The following FBN1 variants were observed in gnomAD, a reference collection of about 807,000 sequenced individuals.
The protein encoded by FBN1 is fibrillin 1.
A neutral mutation model predicts 365.1 loss-of-function variants in FBN1; 29 were observed. That is an observed-to-expected ratio of 0.08 (90% CI 0.06 to 0.11). The LOEUF (loss-of-function observed/expected upper bound fraction) is 0.11, where lower values mean the gene tolerates loss of function less well. Among genes scored for constraint, FBN1 ranks in the 10% least tolerant of loss-of-function variants. FBN1 has a pLI of 1.00. For synonymous variants in FBN1, 1,210 were observed against 1,270.5 expected (o/e 0.95, Z 1.01); for missense variants, 2,476 against 3,703.2 (o/e 0.67, Z 8.60).
chr15:48,450,409 G>A (rs2043192156), intron 45 of FBN1, among the ~76,000 whole-genome samples: 1 of 152,202 alleles, frequency 6.6e-6, no homozygotes, highest in Admixed American at 6.5e-5. Context: ...AACATGGGGA[G>A]TACTTTGGAG....
At chr15:48,480,177 G>T (rs771776993) in intron 32 of FBN1, among the ~76,000 whole-genome samples, 23 of 152,164 alleles carry the variant, frequency 1.5e-4, no homozygotes, top group Non-Finnish European at 3.4e-4. Context: ...GGGAATGAAG[G>T]TTGTTCCATG....
chr15:48,508,485 A>G, intron 15 of FBN1, 97 bp downstream of exon 15: 1 of 1,540,560 alleles, frequency 6.5e-7, no homozygotes, highest in Non-Finnish European at 8.9e-7. Flanking sequence ...AGGTACTTTA[A>G]GTGGGGAGAA....
chr15:48,638,037 CTTTTT>C (rs72166602), intron 2 of FBN1, among the ~76,000 whole-genome samples: 3 of 144,622 alleles, frequency 2.1e-5, no homozygotes, highest in Non-Finnish European at 4.6e-5. Flanking sequence ...CACTGATAAA[CTTTTT>C]TTTTTTTTTT....
chr15:48,586,134 T>C (rs2044433614), intron 6 of FBN1, among the ~76,000 whole-genome samples: 1 of 152,190 alleles, frequency 6.6e-6, no homozygotes, highest in Non-Finnish European at 1.5e-5. Flanking sequence ...GGTCAGTTAA[T>C]CAGTTTAAAA....
chr15:48,487,023 CATAAA>C lies in FBN1; in HGVS notation c.3589+47_3589+51del. 1.3e-5 allele frequency: 16 copies of C among 1,186,838 alleles called. 1 individual carries two copies. In the South Asian group the frequency reaches 2.5e-4, roughly 18 times the overall value. 73.5% of individuals were successfully genotyped at this position (1,186,838 alleles called of 1,614,324 possible). A position where few individuals can be genotyped will look rare whatever the true frequency, so the allele number is the denominator to read the frequency against. The stretch of plus-strand genomic sequence containing the variant: ...AATAAAATAACATAACATAACATAA[CATAAA>C]ATAAAGTAAAATAAAATAAAATAAA... On this transcript the variant is annotated intron_variant, in intron 29 of 65. Coordinates refer to ENST00000316623, the MANE Select transcript of FBN1 (RefSeq NM_000138.5).
intron 6 of FBN1, 27 bp from the exon 7 acceptor site, chr15:48,537,835 G>T (rs1371584106): frequency 5.6e-6 from 9 of 1,609,312 alleles, no homozygotes; most frequent in Non-Finnish European, 7.7e-6. Context: ...AAAATCTGAT[G>T]AAAATCCAGA....
At position 48,464,339 on chromosome 15, in the gene FBN1, C is replaced by G. The variant is rs34539187; in HGVS notation, c.4943-318G>C. Among the ~76,000 whole-genome samples, 14,735 of 152,062 alleles carry G rather than the reference C, an allele frequency of 0.097. 862 individuals are homozygous for G. The highest frequency in any genetic ancestry group is 0.13 in the Non-Finnish European group (8,640 of 67,942). Reference sequence around the variant, plus strand: ...TAGCCTGGCCAACATGGTGAAACCCCATCTCTACTAAAAATACAAAAATTA... The same window carrying G: ...TAGCCTGGCCAACATGGTGAAACCCGATCTCTACTAAAAATACAAAAATTA... On this transcript the variant is annotated intron_variant, in intron 40 of 65. Coordinates refer to ENST00000316623, the MANE Select transcript of FBN1 (RefSeq NM_000138.5).
chr15:48,591,033 T>C (rs2044472872), intron 6 of FBN1, among the ~76,000 whole-genome samples: 1 of 152,238 alleles, frequency 6.6e-6, no homozygotes, highest in Non-Finnish European at 1.5e-5. Context: ...CAGCTTCAGA[T>C]GGAGAAATGA....
At chr15:48,613,141 G>A (rs781219853) in intron 2 of FBN1, 49 bp from the exon 3 acceptor site, 3 of 1,418,416 alleles carry the variant, frequency 2.1e-6, no homozygotes, top group South Asian at 1.2e-5. Flanking sequence ...AGAAGAAGAG[G>A]AAGAGATGGC....
At chr15:48,457,346 T>C (rs892086449) in intron 43 of FBN1, among the ~76,000 whole-genome samples, 3 of 152,210 alleles carry the variant, frequency 2.0e-5, no homozygotes, top group Non-Finnish European at 4.4e-5. Context: ...TTCCTAAGAC[T>C]GGGAGTTGGG....
intron 2 of FBN1, among the ~76,000 whole-genome samples, chr15:48,636,882 G>A (rs141970572): frequency 5.3e-4 from 80 of 152,310 alleles, no homozygotes; most frequent in African/African-American, 1.2e-3. Context: ...TTTAAGCCAC[G>A]AAGTCTGGGG....
In FBN1 at chr15:48,470,659, C is replaced by T; in HGVS notation, c.4434G>A (p.Leu1478=). The change falls in exon 36 of 66, where the codon CTG becomes CTA. Residue 1478 remains leucine (L), a synonymous_variant. Coordinates refer to ENST00000316623, the MANE Select transcript of FBN1 (RefSeq NM_000138.5). ...CTGTGCAGTTCCCGCCGCTTCTGTC[C>T]AGTTCGTAGCCTATCTCACACTCAC... The part of the protein sequence containing the change: ...FRCECEIGYE[L]DRSGGNCTDV... 1.9e-6 allele frequency: 3 copies of T among 1,614,070 alleles called. No homozygotes were observed. Among genetic ancestry groups the T allele is most frequent in the Non-Finnish European group, 2.5e-6 (3 of 1,180,014 alleles).
In FBN1 at chr15:48,641,903, G is replaced by A. The variant is rs569128529; in HGVS notation, c.164+2703C>T. The A allele has an allele frequency of 2.6e-5, 4 of 152,256 alleles. No homozygotes were observed. In the East Asian group the frequency reaches 7.7e-4, roughly 29 times the overall value. The allele number at this position is 152,256 out of a possible 1,614,324, so 9.4% of individuals were successfully genotyped here. A position where few individuals can be genotyped will look rare whatever the true frequency, so the allele number is the denominator to read the frequency against. On this transcript the variant is annotated intron_variant, in intron 2 of 65. Coordinates refer to ENST00000316623, the MANE Select transcript of FBN1 (RefSeq NM_000138.5). Reference sequence around the variant, plus strand: ...GTTATTCAAATTTAACATAAGAATTGGGGTTTGCTTAAAATCTATGGGAAA... The same window carrying A: ...GTTATTCAAATTTAACATAAGAATTAGGGTTTGCTTAAAATCTATGGGAAA...
At chr15:48,552,214 T>C (rs926159674) in intron 6 of FBN1, among the ~76,000 whole-genome samples, 96 of 152,292 alleles carry the variant, frequency 6.3e-4, no homozygotes, top group African/African-American at 2.0e-3. Flanking sequence ...TTAGATGGTA[T>C]CTCATTGTGG....
chr15:48,636,981 G>C (rs1001426389), intron 2 of FBN1, among the ~76,000 whole-genome samples: 2 of 152,192 alleles, frequency 1.3e-5, no homozygotes, highest in Admixed American at 6.5e-5. Flanking sequence ...GCCTGATCTC[G>C]TTTCCCTTTA....
intron 44 of FBN1, among the ~76,000 whole-genome samples, chr15:48,453,227 G>C (rs1429941980): frequency 7.0e-6 from 1 of 143,062 alleles, no homozygotes. Flanking sequence ...TTGCATTCCA[G>C]CCTGGGCAAC....
intron 6 of FBN1, among the ~76,000 whole-genome samples, chr15:48,568,358 G>A (rs1469330676): frequency 7.9e-5 from 12 of 152,040 alleles, no homozygotes; most frequent in South Asian, 2.1e-4. Context: ...AAGATAAGTC[G>A]AAAAATCTTT....
intron 14 of FBN1, among the ~76,000 whole-genome samples, chr15:48,508,931 T>C (rs2043735932): frequency 6.6e-6 from 1 of 152,216 alleles, no homozygotes; most frequent in Non-Finnish European, 1.5e-5. Flanking sequence ...ACTCTAGGGC[T>C]AGATGTATAG....
intron 29 of FBN1, 22 bp from the exon 30 acceptor site, chr15:48,485,518 T>C: frequency 3.1e-6 from 5 of 1,613,766 alleles, no homozygotes; most frequent in Non-Finnish European, 4.2e-6. Flanking sequence ...GAAAATAATA[T>C]CACCTTCTGA....
Sources: allele counts gnomAD v4.1 joint callset (sites outside exome capture counted in the v4.1 genomes callset), GRCh38; gene constraint gnomAD v4.1.1; transcripts MANE v1.5; gene names NCBI Gene and HGNC (gene_info 2026-07-23, HGNC 2026-07-21).